The following LUZP1 variants were observed in gnomAD, a reference collection of about 807,000 sequenced individuals.
LUZP1 encodes leucine zipper protein 1.
Under a neutral mutation model 71.3 loss-of-function variants are expected in LUZP1, and 25 were observed. That is an observed-to-expected ratio of 0.35 (90% CI 0.26 to 0.49). The LOEUF is 0.49. LUZP1 is among the 20% of genes least tolerant of loss of function. The pLI is 0.99. For missense variants in LUZP1, 1,142 were observed against 1,300.8 expected (o/e 0.88, Z 1.88); for synonymous variants, 481 against 506.4 (o/e 0.95, Z 0.67).
At chr1:23,128,772 T>C (rs1644192089) in intron 2 of LUZP1, among the ~76,000 whole-genome samples, 1 of 152,212 alleles carries the variant, frequency 6.6e-6, no homozygotes, top group African/African-American at 2.4e-5. Context: ...GGCCTCATTG[T>C]GGGGGAGGGA....
chr1:23,092,781 G>C (rs1347138763), exon 4 of LUZP1: 1 of 1,613,564 alleles, frequency 6.2e-7, no homozygotes, highest in Admixed American at 1.7e-5. Flanking sequence ...CTCGGTGCCT[G>C]GCTTGGAAGT....
At chr1:23,110,440 A>G (rs1385858814) in intron 2 of LUZP1, among the ~76,000 whole-genome samples, 1 of 152,160 alleles carries the variant, frequency 6.6e-6, no homozygotes, top group African/African-American at 2.4e-5. Flanking sequence ...TGGTAAACCT[A>G]AAGCTTTTGT....
chr1:23,106,179 C>A (rs143334278), intron 3 of LUZP1, among the ~76,000 whole-genome samples: 48 of 152,270 alleles, frequency 3.2e-4, no homozygotes, highest in Non-Finnish European at 4.4e-4. Context: ...TTAGTGAACA[C>A]AAGCTGGCTT....
intron 2 of LUZP1, among the ~76,000 whole-genome samples, chr1:23,128,842 C>T (rs1644192576): frequency 6.6e-6 from 1 of 152,196 alleles, no homozygotes; most frequent in Admixed American, 6.6e-5. Flanking sequence ...CTTATCTATT[C>T]AGAACATTAG....
At chr1:23,108,421 C>T (rs564237922) in intron 3 of LUZP1, among the ~76,000 whole-genome samples, 1 of 398 alleles carries the variant, frequency 2.5e-3, no homozygotes, top group South Asian at 0.12. Context: ...CCAGCCTGGA[C>T]AATACAGAGA....
chr1:23,094,199 C>T lies in LUZP1; in HGVS notation c.63G>A (p.Gln21=). ...ACTCATCAAGGCGGCGGCTTAGACT[C>T]TGTAGCTTAAACCGCAAGTGGCGGC... The change falls in exon 4 of 5, where the codon CAG becomes CAA. Residue 21 remains glutamine, a synonymous_variant. Transcript: ENST00000302291. The surrounding 1 kb of genome is among the most constrained non-coding windows in gnomAD (Gnocchi z 4.7). 1 of 1,613,776 alleles carries T rather than the reference C, an allele frequency of 6.2e-7. No individual in the cohort carries two copies. Among genetic ancestry groups the T allele is most frequent in the Non-Finnish European group, 8.5e-7 (1 of 1,179,922 alleles).
At chr1:23,140,613 A>T (rs2124706555) in intron 2 of LUZP1, 1 of 152,308 alleles carries the variant, frequency 6.6e-6, no homozygotes, top group South Asian at 2.1e-4. Context: ...CTGCCTTTCT[A>T]GCCCTGGACC....
chr1:23,089,258 C>G (rs944095427), intron 4 of LUZP1, among the ~76,000 whole-genome samples: 1 of 152,148 alleles, frequency 6.6e-6, no homozygotes. Flanking sequence ...CTGGGAACTC[C>G]AAGCTGCTGG....
intron 2 of LUZP1, among the ~76,000 whole-genome samples, chr1:23,138,866 C>T (rs1350976326): frequency 6.7e-6 from 1 of 149,856 alleles, no homozygotes; most frequent in Non-Finnish European, 1.5e-5. Flanking sequence ...GGGATGGTGG[C>T]ACGTGCCTAT....
exon 5 of LUZP1, chr1:23,087,959 A>G (rs1382166417): frequency 6.6e-6 from 1 of 152,602 alleles, no homozygotes; most frequent in Non-Finnish European, 1.5e-5. Flanking sequence ...TCATGGAGCT[A>G]TTGCTTGTGG....
chr1:23,155,110 G>A (rs931526041), intron 2 of LUZP1, among the ~76,000 whole-genome samples: 1 of 152,068 alleles, frequency 6.6e-6, no homozygotes, highest in African/African-American at 2.4e-5. Flanking sequence ...TACAGCTGTG[G>A]CAAGAAGCAT....
chr1:23,169,585 C>T lies in LUZP1; in HGVS notation c.-484-561G>A, dbSNP rs1252660441. Among the ~76,000 whole-genome samples the T allele has an allele frequency of 2.6e-5, 4 of 152,248 alleles. No individual in the cohort carries two copies. In the South Asian group the frequency reaches 8.3e-4, roughly 32 times the overall value. On this transcript the variant is annotated intron_variant, in intron 1 of 4. Transcript: ENST00000302291. ...ACAAGTACTTTCCCATCTATGTTCC[C>T]GATTTTCATCTTCTTTAAAATGGGA...
intron 2 of LUZP1, among the ~76,000 whole-genome samples, chr1:23,168,092 C>T (rs921657356): frequency 4.7e-5 from 7 of 149,210 alleles, no homozygotes; most frequent in African/African-American, 1.5e-4. Flanking sequence ...GCTGCGAGAC[C>T]AGCAGAGCGC....
rs535524035 is a variant in LUZP1 at position 23,138,997 on chromosome 1, C to CAAAA, written c.-226+29765_-226+29768dup. Among the ~76,000 whole-genome samples the CAAAA allele has an allele frequency of 1.1e-3, 23 of 21,522 alleles. 2 individuals are homozygous for CAAAA. The highest frequency in any genetic ancestry group is 1.8e-3 in the Admixed American group (2 of 1,088). 14.1% of individuals were successfully genotyped at this position (21,522 alleles called of 152,430 possible). On this transcript the variant is annotated intron_variant, in intron 2 of 4. Coordinates refer to ENST00000302291, the Ensembl canonical transcript of LUZP1. ...TGGGTGACAGAGCAAGACTCCATCT[C>CAAAA]AAAAAAAAAAAAAAAAAAAAAAATA...
chr1:23,119,727 TG>T (rs1384203856), intron 2 of LUZP1, among the ~76,000 whole-genome samples: 1 of 152,188 alleles, frequency 6.6e-6, no homozygotes, highest in Admixed American at 6.5e-5. Context: ...GCATAGAACG[TG>T]GCACACAGTA....
chr1:23,139,019 A>AAAAAAAAAAAAATAT (rs1317355746), intron 2 of LUZP1, among the ~76,000 whole-genome samples: 5 of 59,962 alleles, frequency 8.3e-5, no homozygotes, highest in African/African-American at 9.3e-5. Flanking sequence ...AAAAAAAAAA[A>AAAAAAAAAAAAATAT]ATATATATAT....
chr1:23,161,051 A>C (rs917887608), intron 2 of LUZP1, among the ~76,000 whole-genome samples: 3 of 152,218 alleles, frequency 2.0e-5, no homozygotes, highest in African/African-American at 7.2e-5. Context: ...GTTAAACAGC[A>C]TAAGAGGAAA....
chr1:23,090,289 C>T (rs1400047758), intron 4 of LUZP1: 1 of 152,110 alleles, frequency 6.6e-6, no homozygotes, highest in African/African-American at 2.4e-5. Context: ...AATATCTGCC[C>T]CCAGGCAGAT....
chr1:23,112,119 C>T (rs1644039717), intron 2 of LUZP1, among the ~76,000 whole-genome samples: 1 of 152,202 alleles, frequency 6.6e-6, no homozygotes, highest in South Asian at 2.1e-4. Context: ...TCTCATATTT[C>T]TAAGGGGTAG....
Sources: allele counts gnomAD v4.1 joint callset (sites outside exome capture counted in the v4.1 genomes callset), GRCh38; gene constraint gnomAD v4.1.1; non-coding constraint Gnocchi (gnomAD v3.1); transcripts MANE v1.5; gene names NCBI Gene and HGNC (gene_info 2026-07-23, HGNC 2026-07-21).